The following PML variants were observed in gnomAD, a reference collection of about 807,000 sequenced individuals.
The protein encoded by PML is PML nuclear body scaffold.
PML carries 28 observed loss-of-function variants against 65.2 expected under a neutral mutation model. The observed-to-expected ratio is 0.43, with a 90% CI of 0.32 to 0.59. PML has a LOEUF of 0.59. Among genes scored for constraint, PML ranks in the 20% least tolerant of loss-of-function variants. The probability of loss-of-function intolerance (pLI) is 0.08; values close to 1 mark genes in which losing one functional copy is unlikely to be tolerated. For synonymous variants in PML, 500 were observed against 508.8 expected, an observed-to-expected ratio of 0.98 and a Z score of 0.23; for missense variants, 1,021 against 1,203.4, an observed-to-expected ratio of 0.85 and a Z score of 2.24.
At chr15:74,001,809 G>A (rs895727272) in intron 2 of PML, among the ~76,000 whole-genome samples, 1 of 151,820 alleles carries the variant, frequency 6.6e-6, no homozygotes, top group African/African-American at 2.4e-5. Context: ...GATCAGCCTG[G>A]GCAACATAGC....
rs1001821233 is a variant in PML, at chr15:74,046,539, G to A, written c.*1531G>A. 4.3e-6 allele frequency: 1 copy of A among 232,616 alleles called. No individual in the cohort carries two copies. The highest frequency in any genetic ancestry group is 1.8e-4 in the South Asian group (1 of 5,530). 14.4% of individuals were successfully genotyped at this position (232,616 alleles called of 1,614,324 possible). A position where few individuals can be genotyped will look rare whatever the true frequency, so the allele number is the denominator to read the frequency against. ...GTCTTGTTCCCACGACCGGAGTGCT[G>A]GCTCTCACAGTGAATTTTGATGCAT... On this transcript the variant is annotated 3_prime_UTR_variant, in exon 9 of 9. Transcript: ENST00000268058.
Position 74,023,196 on chromosome 15 carries a change from A to G in PML, c.971A>G (p.Gln324Arg). ...SRLGRLDAVLQRIRTGSALVQ... is the reference protein window; with the variant it reads ...SRLGRLDAVLRRIRTGSALVQ... ...CTGGGCCGCCTGGATGCTGTGCTGC[A>G]GCGCATCCGCACGGGCAGCGCGCTG... Residue 324 changes from glutamine to arginine, a missense_variant, in exon 3 of 9, where the codon CAG becomes CGG. Coordinates refer to ENST00000268058, the MANE Select transcript of PML (RefSeq NM_033238.3). 6.2e-7 allele frequency: 1 copy of G among 1,608,412 alleles called. No individual in the cohort carries two copies. The highest frequency in any genetic ancestry group is 8.5e-7 in the Non-Finnish European group (1 of 1,178,022).
At chr15:74,025,322 A>G (rs1291863463) in intron 4 of PML, 1 of 272,966 alleles carries the variant, frequency 3.7e-6, no homozygotes, top group Non-Finnish European at 7.3e-6. Flanking sequence ...GTCCTGAGGG[A>G]TGTGCAGATG....
rs2071526400 is a variant in PML at position 74,035,720 on chromosome 15, C to G, written c.1710+1190C>G. On this transcript the variant is annotated intron_variant, in intron 7 of 8. Coordinates refer to ENST00000268058, the MANE Select transcript of PML (RefSeq NM_033238.3). This position sits in a 1 kb window ranked among gnomAD's most constrained non-coding sequence, Gnocchi z 4.1. ...GGCTCAACAACTTTTTTGCCCTCCC[C>G]TTCTCCTCCATGGCTTCCCAGCTTG... 1 of 1,614,180 alleles carries G rather than the reference C, an allele frequency of 6.2e-7. No homozygotes were observed. Among genetic ancestry groups the G allele is most frequent in the Non-Finnish European group, 8.5e-7 (1 of 1,180,018 alleles).
intron 2 of PML, among the ~76,000 whole-genome samples, chr15:74,022,138 G>C (rs1219949057): frequency 6.6e-6 from 1 of 152,172 alleles, no homozygotes; most frequent in African/African-American, 2.4e-5. Context: ...TGTATTTTTA[G>C]TAGAGACGGG....
chr15:73,995,021 C>T, intron 1 of PML, 80 bp downstream of exon 1: 9 of 1,331,434 alleles, frequency 6.8e-6, no homozygotes, highest in Non-Finnish European at 9.1e-6. Flanking sequence ...GAGGGTCTAA[C>T]GGAGGATTTG....
At chr15:74,015,594 C>T (rs370485053) in intron 2 of PML, among the ~76,000 whole-genome samples, 32 of 152,336 alleles carry the variant, frequency 2.1e-4, no homozygotes, top group African/African-American at 6.3e-4. Context: ...CCAACAGGTG[C>T]GGCTATAGTG....
intron 3 of PML, among the ~76,000 whole-genome samples, chr15:74,024,468 T>C (rs967206530): frequency 6.6e-6 from 1 of 152,180 alleles, no homozygotes. Flanking sequence ...GATTTAGATT[T>C]AATAAAAACC....
chr15:74,033,592 C>G (rs1271651000), intron 6 of PML, 178 bp downstream of exon 6: 2 of 759,724 alleles, frequency 2.6e-6, no homozygotes, highest in Admixed American at 2.0e-5. Context: ...CACAGTTTAC[C>G]ATGTGTTTTG....
At chr15:74,034,363 G>A in intron 6 of PML, 115 bp from the exon 7 acceptor site, 1 of 1,349,048 alleles carries the variant, frequency 7.4e-7, no homozygotes, top group Admixed American at 1.7e-5. Context: ...CCCCCTGCAG[G>A]GCATCCGTTT....
At chr15:73,997,516 C>T (rs997095545) in intron 1 of PML, among the ~76,000 whole-genome samples, 2 of 152,164 alleles carry the variant, frequency 1.3e-5, no homozygotes, top group East Asian at 1.9e-4. Context: ...ATTGTTTCTA[C>T]ATTTTGTCTA....
chr15:74,028,022 T>C (rs2071157618), intron 4 of PML: 1 of 152,252 alleles, frequency 6.6e-6, no homozygotes, highest in South Asian at 2.1e-4. Flanking sequence ...ACTGCTGGTT[T>C]GTTTACTTTC....
In PML at chr15:74,029,775, A is replaced by ATGGG. The variant is rs1380760724; in HGVS notation, c.1255-2795_1255-2792dup. On this transcript the variant is annotated intron_variant, in intron 4 of 8. Transcript: ENST00000268058. ...ATTGCTTTCATGGTTGGATCCACTA[A>ATGGG]TGGGTCACAAGCTGCAGTTTGAAAA... Among the ~76,000 whole-genome samples the ATGGG allele has an allele frequency of 3.9e-5, 6 of 152,264 alleles. No homozygotes were observed. The East Asian group carries it at 9.7e-4, about 24-fold the overall frequency.
At chr15:74,039,367 G>A (rs989501992) in intron 7 of PML, among the ~76,000 whole-genome samples, 8 of 152,222 alleles carry the variant, frequency 5.3e-5, no homozygotes, top group African/African-American at 1.9e-4. Context: ...AAGAGCTGGG[G>A]TTTTGTGTCT....
chr15:74,005,463 T>TC (rs113490325), intron 2 of PML, among the ~76,000 whole-genome samples: 3 of 151,944 alleles, frequency 2.0e-5, no homozygotes, highest in African/African-American at 7.2e-5. Context: ...GCTTTGCTTT[T>TC]TTCCCCGAGA....
In PML at chr15:74,023,224, G is replaced by C. The variant is rs138129034; in HGVS notation, c.999G>C (p.Val333=). 3 of 1,610,612 alleles carry C rather than the reference G, an allele frequency of 1.9e-6. No individual in the cohort carries two copies. The highest frequency in any genetic ancestry group is 2.5e-6 in the Non-Finnish European group (3 of 1,179,242). ...GCATCCGCACGGGCAGCGCGCTGGT[G>C]CAGAGGATGAAGTGCTACGCCTCGG... ...LQRIRTGSAL[V]QRMKCYASDQ... is the part of the protein sequence containing the mutation. Residue 333 remains valine (V), a synonymous_variant, in exon 3 of 9, where the codon GTG becomes GTC. Transcript: ENST00000268058.
chr15:74,035,822 C>A lies in PML; in HGVS notation c.1710+1292C>A, dbSNP rs770731332. The A allele has an allele frequency of 3.1e-6, 5 of 1,613,892 alleles. No homozygotes were observed. Among genetic ancestry groups the A allele is most frequent in the Non-Finnish European group, 4.2e-6 (5 of 1,179,992 alleles). On this transcript the variant is annotated intron_variant, in intron 7 of 8. Coordinates refer to ENST00000268058, the MANE Select transcript of PML (RefSeq NM_033238.3). This position sits in a 1 kb window ranked among gnomAD's most constrained non-coding sequence, Gnocchi z 4.1. ...CAGGTGTTCCCCCTGGGGACTCTGT[C>A]AGAGGCTCCATGGAGGCCTCTCAAG...
intron 7 of PML, chr15:74,034,955 A>G: frequency 6.8e-7 from 1 of 1,462,696 alleles, no homozygotes; most frequent in Non-Finnish European, 9.0e-7. Context: ...CAAACAAGTG[A>G]GGTTTGACTC....
In PML at chr15:74,043,015, C is replaced by T; in HGVS notation, c.1737C>T (p.Ser579=). Reference sequence around the variant, plus strand: ...CCTCCCGAGAGCTGGATGACAGCAGCAGTGAGTCCAGTGACCTCCAGCTGG... The same window carrying T: ...CCTCCCGAGAGCTGGATGACAGCAGTAGTGAGTCCAGTGACCTCCAGCTGG... ...NSSSRELDDS[S]SESSDLQLEG... The change falls in exon 8 of 9, where the codon AGC becomes AGT. Residue 579 remains serine, a synonymous_variant. Coordinates refer to ENST00000268058, the MANE Select transcript of PML (RefSeq NM_033238.3). The surrounding 1 kb of genome is among the most constrained non-coding windows in gnomAD (Gnocchi z 4.3). 1 of 1,613,678 alleles carries T rather than the reference C, an allele frequency of 6.2e-7. No individual in the cohort carries two copies. The highest frequency in any genetic ancestry group is 1.1e-5 in the South Asian group (1 of 91,020).
Sources: allele counts gnomAD v4.1 joint callset (sites outside exome capture counted in the v4.1 genomes callset), GRCh38; gene constraint gnomAD v4.1.1; non-coding constraint Gnocchi (gnomAD v3.1); transcripts MANE v1.5; gene names NCBI Gene and HGNC (gene_info 2026-07-23, HGNC 2026-07-21).